TCF12: variants seen among roughly 807,000 people sequenced by gnomAD.
The protein encoded by TCF12 is DNA-binding protein HTF4.
A neutral mutation model predicts 86.0 loss-of-function variants in TCF12; 45 were observed. The ratio of observed to expected loss-of-function variants is 0.52; its 90% CI spans 0.41 to 0.67. The LOEUF (loss-of-function observed/expected upper bound fraction) is 0.67, where lower values mean the gene tolerates loss of function less well. Among genes scored for constraint, TCF12 ranks in the 30% least tolerant of loss-of-function variants. The probability of loss-of-function intolerance (pLI) is 0.00; values close to 1 mark genes in which losing one functional copy is unlikely to be tolerated. For missense variants in TCF12, 881 were observed against 859.9 expected (o/e 1.02, Z -0.31); for synonymous variants, 330 against 299.6 (o/e 1.10, Z -1.05).
chr15:56,952,015 A>T (rs2140456584), intron 3 of TCF12, among the ~76,000 whole-genome samples: 1 of 152,178 alleles, frequency 6.6e-6, no homozygotes, highest in Admixed American at 6.5e-5. Flanking sequence ...TTAATTTTGT[A>T]ATATGGTGTG....
chr15:57,156,668 G>A (rs764086587), intron 5 of TCF12, among the ~76,000 whole-genome samples: 3 of 152,128 alleles, frequency 2.0e-5, no homozygotes, highest in Non-Finnish European at 4.4e-5. Context: ...TCTGTCCCTG[G>A]CACGCAAACA....
At chr15:57,086,705 TAAAA>T (rs34069853) in intron 4 of TCF12, among the ~76,000 whole-genome samples, 6 of 105,600 alleles carry the variant, frequency 5.7e-5, no homozygotes, top group Non-Finnish European at 9.7e-5. Flanking sequence ...TCCCTCCCTT[TAAAA>T]AAAAAAAAAA....
At chr15:57,013,867 G>T (rs1567253550) in intron 3 of TCF12, among the ~76,000 whole-genome samples, 1 of 152,200 alleles carries the variant, frequency 6.6e-6, no homozygotes, top group Non-Finnish European at 1.5e-5. Context: ...TAAAGTGGTT[G>T]CATTGCTCTT....
chr15:56,976,816 T>A (rs922839671), intron 3 of TCF12, among the ~76,000 whole-genome samples: 1 of 152,188 alleles, frequency 6.6e-6, no homozygotes, highest in Non-Finnish European at 1.5e-5. Context: ...GATACAACTT[T>A]GCTGTTAGTA....
rs144935846 is a variant in TCF12 at position 56,997,008 on chromosome 15, A to G, written c.149-66742A>G. Among the ~76,000 whole-genome samples the G allele has an allele frequency of 1.8e-4, 28 of 152,320 alleles. 1 individual carries two copies. In the East Asian group the frequency reaches 4.8e-3, roughly 26 times the overall value. On this transcript the variant is annotated intron_variant, in intron 3 of 20. Transcript: ENST00000333725. The stretch of plus-strand genomic sequence containing the variant: ...CAATGCTATGGAAAAAAGGGAACAC[A>G]TAACACTATTGGTGGGAGTGTGTAA...
At chr15:57,021,262 T>C (rs1350877511) in intron 3 of TCF12, among the ~76,000 whole-genome samples, 1 of 152,196 alleles carries the variant, frequency 6.6e-6, no homozygotes, top group African/African-American at 2.4e-5. Context: ...TTGATCGTGT[T>C]TCTAGCTTCG....
chr15:57,233,901 GT>G, intron 11 of TCF12, 141 bp from the exon 12 acceptor site: 1 of 654,966 alleles, frequency 1.5e-6, no homozygotes, highest in Non-Finnish European at 2.8e-6. Context: ...TTATTAATAA[GT>G]ACAACACATG....
rs1249371279 is a variant in TCF12, at chr15:57,282,566, C to A, written c.2100C>A (p.Thr700=). 6.2e-7 allele frequency: 1 copy of A among 1,614,076 alleles called. No individual in the cohort carries two copies. Among genetic ancestry groups the A allele is most frequent in the Non-Finnish European group, 8.5e-7 (1 of 1,180,034 alleles). ...PGTHPGLSET[T]NPMGHM is the part of the protein sequence containing the mutation. The stretch of plus-strand genomic sequence containing the variant: ...CCCATCCTGGGCTTAGTGAAACTAC[C>A]AACCCTATGGGTCATATGTAAACAT... Residue 700 remains threonine, a synonymous_variant, in exon 20 of 21, where the codon ACC becomes ACA. Coordinates refer to ENST00000333725, the MANE Select transcript of TCF12 (RefSeq NM_207037.2).
chr15:57,145,822 C>T (rs2053318221), intron 5 of TCF12, among the ~76,000 whole-genome samples: 1 of 152,124 alleles, frequency 6.6e-6, no homozygotes, highest in Non-Finnish European at 1.5e-5. Flanking sequence ...CTACTCTGCT[C>T]CTGCTGCGTG....
intron 3 of TCF12, among the ~76,000 whole-genome samples, chr15:56,965,121 A>T (rs1335618913): frequency 6.6e-6 from 1 of 152,200 alleles, no homozygotes; most frequent in East Asian, 1.9e-4. Context: ...AGGCACTAGC[A>T]CTTAATTCTT....
At chr15:57,097,077 T>C (rs1014561645) in intron 5 of TCF12, among the ~76,000 whole-genome samples, 8 of 152,350 alleles carry the variant, frequency 5.3e-5, no homozygotes, top group East Asian at 1.9e-4. Flanking sequence ...ACACTTTTTT[T>C]CTGTATATTT....
chr15:56,988,067 A>G (rs1390357793), intron 3 of TCF12, among the ~76,000 whole-genome samples: 3 of 152,238 alleles, frequency 2.0e-5, no homozygotes, highest in Non-Finnish European at 4.4e-5. Context: ...ACATATAGGC[A>G]GTGATTATTA....
At chr15:57,171,260 G>A (rs1160463621) in intron 6 of TCF12, among the ~76,000 whole-genome samples, 3 of 151,624 alleles carry the variant, frequency 2.0e-5, no homozygotes, top group Non-Finnish European at 4.4e-5. Flanking sequence ...CATAGGAGCA[G>A]TTCGTGAGCC....
intron 5 of TCF12, among the ~76,000 whole-genome samples, chr15:57,152,291 A>G (rs2053818510): frequency 6.6e-6 from 1 of 152,232 alleles, no homozygotes; most frequent in South Asian, 2.1e-4. Flanking sequence ...AAAACAAAAC[A>G]AATACTTTCA....
At chr15:57,252,349 G>T in intron 14 of TCF12, 72 bp from the exon 15 acceptor site, 1 of 1,139,540 alleles carries the variant, frequency 8.8e-7, no homozygotes, top group Non-Finnish European at 1.3e-6. Context: ...ATGCATATCA[G>T]CTATTTCCTC....
At chr15:57,192,741 T>C (rs1003887913) in intron 7 of TCF12, among the ~76,000 whole-genome samples, 2 of 152,202 alleles carry the variant, frequency 1.3e-5, no homozygotes, top group African/African-American at 4.8e-5. Context: ...CACATTGATG[T>C]CAGGGCTTAT....
At chr15:57,268,665 T>C (rs1475834774) in intron 18 of TCF12, among the ~76,000 whole-genome samples, 1 of 152,218 alleles carries the variant, frequency 6.6e-6, no homozygotes, top group East Asian at 1.9e-4. Flanking sequence ...GTAATTTATA[T>C]CTGAATCATA....
At chr15:57,131,795 CATTGTT>C in intron 5 of TCF12, among the ~76,000 whole-genome samples, 1 of 152,252 alleles carries the variant, frequency 6.6e-6, no homozygotes, top group Admixed American at 6.5e-5. Context: ...AAATTGAACT[CATTGTT>C]ATAATTTCAT....
chr15:57,284,472 A>G (rs2061846613), intron 20 of TCF12, among the ~76,000 whole-genome samples: 1 of 152,208 alleles, frequency 6.6e-6, no homozygotes, highest in Non-Finnish European at 1.5e-5. Context: ...GGCTTCCCCA[A>G]GTGCTGGCGT....
Sources: allele counts gnomAD v4.1 joint callset (sites outside exome capture counted in the v4.1 genomes callset), GRCh38; gene constraint gnomAD v4.1.1; transcripts MANE v1.5; gene names NCBI Gene and HGNC (gene_info 2026-07-23, HGNC 2026-07-21).